Variants in FBXO4 observed in about 807,000 individuals in gnomAD.
The protein encoded by FBXO4 is F-box protein 4, also known as F-box only protein 4.
In FBXO4, 36 loss-of-function variants were observed where a neutral mutation model predicts 43.7. The observed-to-expected ratio is 0.82, with a 90% CI of 0.63 to 1.09. FBXO4 has a LOEUF of 1.09. Among genes scored for constraint, FBXO4 ranks in the 50% least tolerant of loss-of-function variants. The probability of loss-of-function intolerance (pLI) is 0.00; values close to 1 mark genes in which losing one functional copy is unlikely to be tolerated. For missense variants in FBXO4, 435 were observed against 474.1 expected (o/e 0.92, Z 0.77); for synonymous variants, 180 against 165.6 (o/e 1.09, Z -0.67).
chr5:41,944,934 C>T (rs1265114600), downstream of FBXO4, among the ~76,000 whole-genome samples: 1 of 152,190 alleles, frequency 6.6e-6, no homozygotes, highest in Non-Finnish European at 1.5e-5. Flanking sequence ...CTATCTGAAA[C>T]ATTTAAAATG....
chr5:42,013,090 A>G, the FBXO4 span, among the ~76,000 whole-genome samples: 4 of 152,090 alleles, frequency 2.6e-5, no homozygotes, highest in African/African-American at 9.7e-5. Context: ...GGATCACTTG[A>G]GGCCAGGAGT....
chr5:41,969,097 A>T, the FBXO4 span, among the ~76,000 whole-genome samples: 1 of 152,104 alleles, frequency 6.6e-6, no homozygotes, highest in African/African-American at 2.4e-5. Context: ...TTCTTTTTAT[A>T]CTCTACAGTT....
chr5:42,030,816 T>G, the FBXO4 span, among the ~76,000 whole-genome samples: 2 of 152,156 alleles, frequency 1.3e-5, no homozygotes, highest in Non-Finnish European at 2.9e-5. Flanking sequence ...CAGACACTTC[T>G]CAAAAGAAGA....
At chr5:41,931,497 A>G (rs143332962) in intron 3 of FBXO4, among the ~76,000 whole-genome samples, 341 of 152,364 alleles carry the variant, frequency 2.2e-3, no homozygotes, top group African/African-American at 7.6e-3. Context: ...TGATAACTCC[A>G]TGGAAGATCC....
At chr5:41,957,773 C>A in the FBXO4 span, among the ~76,000 whole-genome samples, 1 of 151,860 alleles carries the variant, frequency 6.6e-6, no homozygotes, top group African/African-American at 2.4e-5. Context: ...ATCACATTTT[C>A]TTCTTTCTTC....
the FBXO4 span, among the ~76,000 whole-genome samples, chr5:42,036,883 C>A: frequency 2.0e-5 from 3 of 151,934 alleles, no homozygotes; most frequent in Non-Finnish European, 4.4e-5. Context: ...ACTTTATCAT[C>A]TTAATATGAT....
At chr5:42,025,163 A>G in the FBXO4 span, among the ~76,000 whole-genome samples, 11 of 152,016 alleles carry the variant, frequency 7.2e-5, no homozygotes, top group African/African-American at 2.7e-4. Context: ...ACTAATTTAC[A>G]TTCCTGCTAA....
chr5:41,996,718 T>C, the FBXO4 span, among the ~76,000 whole-genome samples: 6 of 152,208 alleles, frequency 3.9e-5, no homozygotes, highest in Non-Finnish European at 5.9e-5. Flanking sequence ...TGTGCATCTT[T>C]CTTGGTTTTC....
the FBXO4 span, among the ~76,000 whole-genome samples, chr5:41,971,019 A>T: frequency 6.6e-6 from 1 of 152,044 alleles, no homozygotes; most frequent in African/African-American, 2.4e-5. Flanking sequence ...TGGATCCTAC[A>T]TTTGATATTT....
the FBXO4 span, among the ~76,000 whole-genome samples, chr5:41,949,093 G>A: frequency 2.0e-5 from 3 of 152,114 alleles, no homozygotes; most frequent in African/African-American, 2.4e-5. Flanking sequence ...TATGACAAAC[G>A]CACAGCCTAT....
At chr5:41,994,226 A>C in the FBXO4 span, among the ~76,000 whole-genome samples, 2 of 152,376 alleles carry the variant, frequency 1.3e-5, no homozygotes, top group Admixed American at 1.3e-4. Flanking sequence ...ACAATACTTA[A>C]ATGCTAATAG....
intron 5 of FBXO4, among the ~76,000 whole-genome samples, chr5:41,935,976 T>C (rs1318928947): frequency 2.6e-5 from 4 of 152,278 alleles, no homozygotes; most frequent in Non-Finnish European, 5.9e-5. Flanking sequence ...AAGTTAACTA[T>C]AGCAATAAAA....
the FBXO4 span, among the ~76,000 whole-genome samples, chr5:41,954,481 A>G: frequency 2.0e-5 from 3 of 152,194 alleles, no homozygotes; most frequent in African/African-American, 7.2e-5. Context: ...CACTCTCCTC[A>G]AAGCAGCACC....
At chr5:41,943,088 G>A (rs1369848297), downstream of FBXO4, among the ~76,000 whole-genome samples, 1 of 151,998 alleles carries the variant, frequency 6.6e-6, no homozygotes, top group Non-Finnish European at 1.5e-5. Flanking sequence ...TAAAGAAATT[G>A]AGACCCAGAG....
chr5:42,035,875 A>G, the FBXO4 span, among the ~76,000 whole-genome samples: 2 of 152,112 alleles, frequency 1.3e-5, no homozygotes, highest in Non-Finnish European at 2.9e-5. Flanking sequence ...TTATTGGCTC[A>G]TTAAGGACAT....
downstream of FBXO4, among the ~76,000 whole-genome samples, chr5:41,942,394 A>C (rs549290219): frequency 1.1e-4 from 17 of 150,940 alleles, no homozygotes; most frequent in African/African-American, 4.2e-4. Context: ...GTACCAATGG[A>C]AGCAGAACAA....
chr5:42,009,250 G>A, the FBXO4 span, among the ~76,000 whole-genome samples: 1 of 151,990 alleles, frequency 6.6e-6, no homozygotes, highest in Admixed American at 6.6e-5. Flanking sequence ...AACTATCCAT[G>A]TCTGACAAAG....
chr5:42,024,463 C>G, the FBXO4 span, among the ~76,000 whole-genome samples: 1 of 151,834 alleles, frequency 6.6e-6, no homozygotes, highest in Non-Finnish European at 1.5e-5. Context: ...TATAGGGGTA[C>G]ATGAGATGTT....
At chr5:42,020,465 G>C in the FBXO4 span, among the ~76,000 whole-genome samples, 2 of 152,170 alleles carry the variant, frequency 1.3e-5, no homozygotes, top group Admixed American at 6.5e-5. Flanking sequence ...TGTGAGTGTT[G>C]TATCACTTAG....
Sources: gnomAD v4.1 joint callset for allele counts (sites outside exome capture counted in the v4.1 genomes callset) on GRCh38, gnomAD v4.1.1 for gene constraint, MANE v1.5 for transcripts, NCBI Gene and HGNC (gene_info 2026-07-23, HGNC 2026-07-21) for gene names.